The following CCSER1 variants were observed in gnomAD, a reference collection of about 807,000 sequenced individuals.
The protein encoded by CCSER1 is serine-rich coiled-coil domain-containing protein 1.
CCSER1 carries 41 observed loss-of-function variants against 82.0 expected under a neutral mutation model. The observed-to-expected ratio is 0.50, with a 90% CI of 0.39 to 0.65. CCSER1 has a LOEUF of 0.65. CCSER1 is among the 30% of genes least tolerant of loss of function. The pLI is 0.00. For synonymous variants in CCSER1, 414 were observed against 383.9 expected (o/e 1.08, Z -0.92); for missense variants, 1,119 against 1,064.2 (o/e 1.05, Z -0.72).
At chr4:90,449,880 C>T (rs1282677287) in intron 4 of CCSER1, among the ~76,000 whole-genome samples, 1 of 152,150 alleles carries the variant, frequency 6.6e-6, no homozygotes, top group Non-Finnish European at 1.5e-5. Context: ...GAGGCTCTGC[C>T]CCTCTAACTT....
chr4:90,761,163 A>G (rs1374390887), intron 7 of CCSER1, among the ~76,000 whole-genome samples: 2 of 152,058 alleles, frequency 1.3e-5, no homozygotes. Context: ...GTCGTTACTA[A>G]CTATGGTTTG....
chr4:91,126,370 C>A (rs1418661477), intron 10 of CCSER1, among the ~76,000 whole-genome samples: 3 of 151,848 alleles, frequency 2.0e-5, no homozygotes, highest in African/African-American at 7.2e-5. Context: ...TTTATGCTTT[C>A]TTCTGTCTCT....
rs757017738 is a variant in CCSER1 at position 91,509,444 on chromosome 4, T to C, written c.2218-89128T>C. Among the ~76,000 whole-genome samples the C allele has an allele frequency of 2.6e-5, 4 of 152,138 alleles. No homozygotes were observed. The East Asian group carries it at 5.8e-4, about 22-fold the overall frequency. On this transcript the variant is annotated intron_variant, in intron 10 of 10. Transcript: ENST00000509176. ...AACTTTGTTCTGCTTGAAGAATATA[T>C]TTTGTATGGCTTTAATCATTTAAAT...
At chr4:90,165,975 G>A (rs1436065415) in intron 1 of CCSER1, among the ~76,000 whole-genome samples, 2 of 151,998 alleles carry the variant, frequency 1.3e-5, no homozygotes, top group Non-Finnish European at 2.9e-5. Context: ...AGAAGTTAAT[G>A]TATGAGTTCA....
At chr4:91,187,727 GT>G (rs1487224449) in intron 10 of CCSER1, among the ~76,000 whole-genome samples, 2 of 151,922 alleles carry the variant, frequency 1.3e-5, no homozygotes, top group African/African-American at 4.8e-5. Flanking sequence ...TAATTTTTGT[GT>G]TTTTAGTAGA....
At chr4:91,466,908 T>C (rs1323594003) in intron 10 of CCSER1, among the ~76,000 whole-genome samples, 1 of 152,064 alleles carries the variant, frequency 6.6e-6, no homozygotes, top group East Asian at 1.9e-4. Flanking sequence ...GGAATCAATA[T>C]CATGAAAATG....
chr4:90,516,297 A>G (rs1034707888), intron 5 of CCSER1, among the ~76,000 whole-genome samples: 7 of 152,224 alleles, frequency 4.6e-5, no homozygotes, highest in Non-Finnish European at 1.0e-4. Flanking sequence ...GAATCCAAAC[A>G]GGAAACAGAT....
chr4:90,930,295 G>C (rs1044176626), intron 9 of CCSER1, among the ~76,000 whole-genome samples: 4 of 152,008 alleles, frequency 2.6e-5, no homozygotes, highest in Admixed American at 6.6e-5. Flanking sequence ...AGTGTACTAA[G>C]TGAGATTATA....
At chr4:91,174,822 C>CTTTTTTTTTTTTTT (rs61059675) in intron 10 of CCSER1, among the ~76,000 whole-genome samples, 1 of 146,532 alleles carries the variant, frequency 6.8e-6, no homozygotes, top group Non-Finnish European at 1.5e-5. Context: ...TTTTTCTTTT[C>CTTTTTTTTTTTTTT]TTTTTTTTTT....
chr4:90,248,549 G>T (rs72877730), intron 1 of CCSER1, among the ~76,000 whole-genome samples: 7,876 of 152,072 alleles, frequency 0.052, 539 homozygotes, highest in African/African-American at 0.16. Flanking sequence ...CAGGTCCTTA[G>T]GTAAATGTTG....
chr4:91,542,048 A>G (rs1301409149), intron 10 of CCSER1, among the ~76,000 whole-genome samples: 4 of 152,062 alleles, frequency 2.6e-5, no homozygotes, highest in Non-Finnish European at 5.9e-5. Context: ...GTCTGTTAAT[A>G]CGCTTCATCC....
chr4:91,401,519 G>A (rs967170165), intron 10 of CCSER1, among the ~76,000 whole-genome samples: 1 of 151,786 alleles, frequency 6.6e-6, no homozygotes, highest in African/African-American at 2.4e-5. Context: ...ATTTAAATTA[G>A]GTATATCTCC....
intron 10 of CCSER1, among the ~76,000 whole-genome samples, chr4:91,498,027 C>T (rs970956385): frequency 2.0e-5 from 3 of 151,928 alleles, no homozygotes; most frequent in Non-Finnish European, 4.4e-5. Flanking sequence ...CCACTGTGAA[C>T]AGATGATACA....
chr4:90,459,969 G>T (rs1762665578), intron 4 of CCSER1, among the ~76,000 whole-genome samples: 1 of 152,056 alleles, frequency 6.6e-6, no homozygotes, highest in Non-Finnish European at 1.5e-5. Flanking sequence ...TCTATCACTT[G>T]TGAGCTTTCA....
intron 8 of CCSER1, among the ~76,000 whole-genome samples, chr4:90,876,290 C>T (rs1465060263): frequency 6.6e-6 from 1 of 151,912 alleles, no homozygotes; most frequent in Non-Finnish European, 1.5e-5. Flanking sequence ...AATTTTTATT[C>T]TAACTCCAAG....
intron 10 of CCSER1, among the ~76,000 whole-genome samples, chr4:91,205,095 A>G (rs1736231529): frequency 6.6e-6 from 1 of 151,756 alleles, no homozygotes; most frequent in Admixed American, 6.6e-5. Context: ...AAGATCATTT[A>G]CTTTGAAATC....
intron 6 of CCSER1, among the ~76,000 whole-genome samples, chr4:90,648,430 G>A (rs1006639674): frequency 6.6e-6 from 1 of 152,072 alleles, no homozygotes; most frequent in Non-Finnish European, 1.5e-5. Flanking sequence ...TGGTTGTAGG[G>A]CATACTATAA....
intron 10 of CCSER1, among the ~76,000 whole-genome samples, chr4:91,587,068 T>A (rs959852541): frequency 1.3e-5 from 2 of 151,740 alleles, no homozygotes; most frequent in African/African-American, 2.4e-5. Context: ...ATTTTGACAC[T>A]CCTCAGATAC....
intron 10 of CCSER1, among the ~76,000 whole-genome samples, chr4:91,255,675 T>A (rs369730173): frequency 1.2e-3 from 190 of 152,338 alleles, no homozygotes; most frequent in African/African-American, 4.4e-3. Context: ...CATGGACATT[T>A]GTTAGTTCTC....
Sources: gnomAD v4.1 joint callset for allele counts (sites outside exome capture counted in the v4.1 genomes callset) on GRCh38, gnomAD v4.1.1 for gene constraint, MANE v1.5 for transcripts, NCBI Gene and HGNC (gene_info 2026-07-23, HGNC 2026-07-21) for gene names.